HEATR5A: variants seen among roughly 807,000 people sequenced by gnomAD.
HEATR5A encodes the protein HEAT repeat-containing protein 5A.
A neutral mutation model predicts 218.8 loss-of-function variants in HEATR5A; 178 were observed. The ratio of observed to expected loss-of-function variants is 0.81; its 90% CI spans 0.72 to 0.92. The LOEUF (loss-of-function observed/expected upper bound fraction) is 0.92. Ranked by LOEUF, HEATR5A falls within the 40% of genes least tolerant of loss-of-function variation. The pLI is 0.00. For missense variants in HEATR5A, 2,420 were observed against 2,418.9 expected (o/e 1.00, Z -0.01); for synonymous variants, 864 against 871.6 (o/e 0.99, Z 0.15).
intron 21 of HEATR5A, among the ~76,000 whole-genome samples, chr14:31,343,540 G>C (rs1162695160): frequency 6.6e-6 from 1 of 152,074 alleles, no homozygotes; most frequent in Non-Finnish European, 1.5e-5. Context: ...AAAGAACTTA[G>C]AATAGATGAA....
rs118102267 is a variant in HEATR5A at position 31,336,716 on chromosome 14, G to A, written c.3367+760C>T. Among the ~76,000 whole-genome samples, 743 of 152,258 alleles carry A rather than the reference G, an allele frequency of 4.9e-3. 3 individuals are homozygous for A. Among genetic ancestry groups the A allele is most frequent in the Non-Finnish European group, 8.5e-3 (576 of 68,012 alleles). On this transcript the variant is annotated intron_variant, in intron 22 of 35. Coordinates refer to ENST00000543095, the MANE Select transcript of HEATR5A (RefSeq NM_015473.4). ...AAAGTGAGATTCTGCGGCAAACAGA[G>A]GCAGGTGTGATAAATTATTTAAGGG...
Position 31,344,028 on chromosome 14 carries a change from A to T in HEATR5A, c.3096T>A (p.Cys1032Ter), listed in dbSNP as rs751151645. Residue 1032 changes from cysteine to a stop codon, truncating the protein, a stop_gained, in exon 21 of 36, where the codon TGT (cysteine) becomes TGA (stop). Transcript: ENST00000543095. LOFTEE classifies it high-confidence loss of function. ...CTTGCATTACTGCACAACCCAGTAG[A>T]CAGGAAGTCCTTAAGGTAGAAATTG... is the stretch of plus-strand genomic sequence containing the variant. ...STSISTLRTS[C>*]LLGCAVMQDN... The T allele has an allele frequency of 6.3e-7, 1 of 1,577,134 alleles. No individual in the cohort carries two copies. Among genetic ancestry groups the T allele is most frequent in the Non-Finnish European group, 8.6e-7 (1 of 1,163,120 alleles).
chr14:31,349,841 C>T lies in HEATR5A; in HGVS notation c.2656G>A (p.Val886Met), dbSNP rs3736918. The change falls in exon 18 of 36, where the codon GTG becomes ATG. Residue 886 changes from valine to methionine, a missense_variant. Physicochemically the swap from Val to Met is conservative, Grantham distance 21. Transcript: ENST00000543095. ...AAESWARLAQ[V>M]VDDGAFTAGL... is the part of the protein sequence containing the mutation. ...GCAGTAAAAGCTCCATCATCTACCA[C>T]TTGGGCTAATCTAGCCCATGACTCT... The T allele has an allele frequency of 0.91, 1,463,702 of 1,612,514 alleles. 668,271 individuals are homozygous for T. Among genetic ancestry groups the T allele is most frequent in the Non-Finnish European group, 0.93 (1,100,949 of 1,179,024 alleles).
At chr14:31,351,631 T>C (rs576102996) in intron 16 of HEATR5A, among the ~76,000 whole-genome samples, 1 of 152,320 alleles carries the variant, frequency 6.6e-6, no homozygotes, top group South Asian at 2.1e-4. Flanking sequence ...AAAGCATAGT[T>C]GGGGATCCAA....
At chr14:31,414,591 A>C (rs2031385863) in intron 1 of HEATR5A, among the ~76,000 whole-genome samples, 1 of 152,226 alleles carries the variant, frequency 6.6e-6, no homozygotes, top group African/African-American at 2.4e-5. Context: ...CAGGGTTTAC[A>C]GGAGAGGCCA....
intron 33 of HEATR5A, among the ~76,000 whole-genome samples, chr14:31,300,631 T>C (rs943594340): frequency 6.6e-6 from 1 of 152,194 alleles, no homozygotes; most frequent in Admixed American, 6.6e-5. Flanking sequence ...CAGTCCACAT[T>C]TGAAGTCCAG....
chr14:31,364,789 C>T (rs1901743497), intron 13 of HEATR5A, among the ~76,000 whole-genome samples: 1 of 152,138 alleles, frequency 6.6e-6, no homozygotes, highest in Admixed American at 6.5e-5. Flanking sequence ...ATCTTCTGTT[C>T]ACCTTTCCTA....
intron 11 of HEATR5A, among the ~76,000 whole-genome samples, chr14:31,378,471 A>G (rs1325374870): frequency 1.3e-5 from 2 of 152,220 alleles, no homozygotes; most frequent in African/African-American, 4.8e-5. Context: ...GATCTAGTCC[A>G]ATAAATCTCT....
intron 22 of HEATR5A, among the ~76,000 whole-genome samples, chr14:31,336,217 CATATATATATATATATATATATATATAT>C (rs3033610): frequency 1.0e-4 from 4 of 38,212 alleles, no homozygotes; most frequent in Admixed American, 2.1e-4. Flanking sequence ...TACATACATA[CATATATATATATATATATATATATATAT>C]ATATATATAT....
chr14:31,312,247 C>T (rs1899778637), intron 28 of HEATR5A, among the ~76,000 whole-genome samples: 1 of 151,972 alleles, frequency 6.6e-6, no homozygotes, highest in Non-Finnish European at 1.5e-5. Flanking sequence ...AGCAGATGGG[C>T]AAAGATTATG....
chr14:31,358,581 T>C, intron 16 of HEATR5A, 56 bp downstream of exon 16: 1 of 1,443,344 alleles, frequency 6.9e-7, no homozygotes, highest in African/African-American at 1.4e-5. Context: ...CTGGCAACAT[T>C]CTTCTTACCC....
At chr14:31,296,109 A>G (rs1318856276) in intron 33 of HEATR5A, 46 bp from the exon 34 acceptor site, 2 of 1,524,386 alleles carry the variant, frequency 1.3e-6, no homozygotes, top group South Asian at 1.1e-5. Flanking sequence ...TTACTGCTTT[A>G]TATACCTGTG....
intron 16 of HEATR5A, among the ~76,000 whole-genome samples, chr14:31,357,544 A>G (rs1277005996): frequency 1.3e-5 from 2 of 152,224 alleles, no homozygotes; most frequent in Non-Finnish European, 2.9e-5. Flanking sequence ...TTTTTCAGAT[A>G]GTAACAAGAA....
At chr14:31,326,433 G>T in intron 22 of HEATR5A, 91 bp from the exon 23 acceptor site, 1 of 908,038 alleles carries the variant, frequency 1.1e-6, no homozygotes, top group Non-Finnish European at 1.7e-6. Flanking sequence ...TCAAATAGTA[G>T]ATAAAAATAC....
Position 31,387,196 on chromosome 14 carries a change from A to G in HEATR5A, c.1113T>C (p.Gly371=). The G allele has an allele frequency of 6.2e-7, 1 of 1,613,964 alleles. No individual in the cohort carries two copies. Among genetic ancestry groups the G allele is most frequent in the Non-Finnish European group, 8.5e-7 (1 of 1,179,870 alleles). ...CAAGCTGAGCCTTTTCTCCAAGAAG[A>G]CCACCTATAGTAGTTCGAAGAATAA... ...VSFILRTTIG[G]LLGEKAQLAA... is the part of the protein sequence containing the mutation. The change falls in exon 8 of 36, where the codon GGT becomes GGC. Residue 371 remains glycine (G), a synonymous_variant. Transcript: ENST00000543095.
At chr14:31,378,490 C>CTT (rs1187534999) in intron 11 of HEATR5A, among the ~76,000 whole-genome samples, 6 of 152,146 alleles carry the variant, frequency 3.9e-5, no homozygotes, top group Non-Finnish European at 7.4e-5. Context: ...CTTTAATCAT[C>CTT]TTAAGAACAC....
intron 7 of HEATR5A, among the ~76,000 whole-genome samples, chr14:31,388,221 G>A (rs1400240863): frequency 6.6e-6 from 1 of 151,910 alleles, no homozygotes; most frequent in East Asian, 1.9e-4. Context: ...TATTTTCATG[G>A]AGACTATATG....
At chr14:31,310,819 T>A (rs1472931057) in intron 28 of HEATR5A, among the ~76,000 whole-genome samples, 2 of 152,112 alleles carry the variant, frequency 1.3e-5, no homozygotes, top group Non-Finnish European at 2.9e-5. Context: ...CAACAAACAC[T>A]CCATATATCT....
In HEATR5A at chr14:31,334,012, AGG is replaced by A. The variant is rs373079198; in HGVS notation, c.3367+3462_3367+3463del. ...CAGGTCGTGCCACTGCACTCCAGCC[AGG>A]GCGACAGAGACAGACCCTGTCTCAA... On this transcript the variant is annotated intron_variant, in intron 22 of 35. Transcript: ENST00000543095. 2.9e-4 allele frequency among the ~76,000 whole-genome samples: 37 copies of A among 128,542 alleles called. No homozygotes were observed. In the East Asian group the frequency reaches 9.0e-3, roughly 31 times the overall value. 84.3% of individuals were successfully genotyped at this position (128,542 alleles called of 152,430 possible). A position where few individuals can be genotyped will look rare whatever the true frequency, so the allele number is the denominator to read the frequency against.
Sources: allele counts gnomAD v4.1 joint callset (sites outside exome capture counted in the v4.1 genomes callset), GRCh38; gene constraint gnomAD v4.1.1; transcripts MANE v1.5; gene names NCBI Gene and HGNC (gene_info 2026-07-23, HGNC 2026-07-21).